Variants in ADAM23 observed in about 807,000 individuals in gnomAD.
The protein encoded by ADAM23 is disintegrin and metalloproteinase domain-containing protein 23.
Under a neutral mutation model 120.1 loss-of-function variants are expected in ADAM23, and 33 were observed. The observed-to-expected ratio is 0.27, with a 90% CI of 0.21 to 0.37. ADAM23 has a LOEUF of 0.37. Among genes scored for constraint, ADAM23 ranks in the 10% least tolerant of loss-of-function variants. The probability of loss-of-function intolerance (pLI) is 1.00; values close to 1 mark genes in which losing one functional copy is unlikely to be tolerated. For missense variants in ADAM23, 862 were observed against 1,058.2 expected (o/e 0.81, Z 2.57); for synonymous variants, 367 against 375.2 (o/e 0.98, Z 0.25).
In ADAM23 at chr2:206,605,946, C is replaced by T. The variant is rs1338973823; in HGVS notation, c.2360-3964C>T. The T allele has an allele frequency of 5.0e-6, 3 of 603,314 alleles. No homozygotes were observed. In the African/African-American group the frequency reaches 5.7e-5, roughly 11 times the overall value. 37.4% of individuals were successfully genotyped at this position (603,314 alleles called of 1,614,324 possible). ...CCTGATGTGTGAGGCGATGCCTGTA[C>T]CTGACTCCATGTCTCGTCCTGTTGA... On this transcript the variant is annotated intron_variant, in intron 24 of 25. Coordinates refer to ENST00000264377, the MANE Select transcript of ADAM23 (RefSeq NM_003812.4).
chr2:206,480,793 T>C (rs1460545245), intron 2 of ADAM23, among the ~76,000 whole-genome samples: 1 of 152,190 alleles, frequency 6.6e-6, no homozygotes, highest in Non-Finnish European at 1.5e-5. Context: ...ATACATCATT[T>C]AGAGAACGTT....
intron 18 of ADAM23, among the ~76,000 whole-genome samples, chr2:206,585,451 T>C (rs1015913185): frequency 6.6e-6 from 1 of 152,178 alleles, no homozygotes; most frequent in African/African-American, 2.4e-5. Flanking sequence ...TTTATGAGAG[T>C]CAGTTATTCT....
At chr2:206,458,977 A>G (rs1198767142) in intron 2 of ADAM23, among the ~76,000 whole-genome samples, 1 of 152,254 alleles carries the variant, frequency 6.6e-6, no homozygotes, top group Non-Finnish European at 1.5e-5. Context: ...CACTAGGACA[A>G]TTGAATATGT....
intron 24 of ADAM23, among the ~76,000 whole-genome samples, chr2:206,599,834 A>C (rs1698602242): frequency 6.6e-6 from 1 of 152,202 alleles, no homozygotes; most frequent in African/African-American, 2.4e-5. Flanking sequence ...TAATGGACTC[A>C]AGTTATTAAA....
At chr2:206,516,571 G>C (rs78226281) in intron 3 of ADAM23, among the ~76,000 whole-genome samples, 4,596 of 151,470 alleles carry the variant, frequency 0.03, 247 homozygotes, top group African/African-American at 0.1. Context: ...TCATATGGTA[G>C]AGAGAGAGAG....
chr2:206,474,581 T>G (rs183993321), intron 2 of ADAM23, among the ~76,000 whole-genome samples: 1 of 152,122 alleles, frequency 6.6e-6, no homozygotes, highest in Non-Finnish European at 1.5e-5. Flanking sequence ...TTATTATTAT[T>G]GCTATTTTCT....
chr2:206,603,877 G>A (rs1362358910), intron 24 of ADAM23, among the ~76,000 whole-genome samples: 1 of 151,366 alleles, frequency 6.6e-6, no homozygotes, highest in Non-Finnish European at 1.5e-5. Context: ...GTATTTTTAA[G>A]CATATGTGGC....
chr2:206,542,433 A>G (rs1697310591), intron 5 of ADAM23, among the ~76,000 whole-genome samples: 1 of 152,208 alleles, frequency 6.6e-6, no homozygotes. Flanking sequence ...TCCCAGCGGC[A>G]TATTCCAGAG....
At chr2:206,482,360 A>G (rs1321269048) in intron 3 of ADAM23, among the ~76,000 whole-genome samples, 1 of 152,192 alleles carries the variant, frequency 6.6e-6, no homozygotes, top group Non-Finnish European at 1.5e-5. Flanking sequence ...TGCCTAAGGG[A>G]CTTGTCTTGC....
intron 2 of ADAM23, among the ~76,000 whole-genome samples, chr2:206,456,190 A>T (rs894282332): frequency 6.6e-6 from 1 of 152,152 alleles, no homozygotes; most frequent in East Asian, 1.9e-4. Flanking sequence ...GAAACTTATC[A>T]TGGCAGAAGG....
At chr2:206,451,493 G>A (rs1695193403) in intron 2 of ADAM23, among the ~76,000 whole-genome samples, 1 of 152,194 alleles carries the variant, frequency 6.6e-6, no homozygotes, top group African/African-American at 2.4e-5. Flanking sequence ...GCCCACTTTG[G>A]CCTCCCAAAG....
rs1574570837 is a variant in ADAM23, at chr2:206,618,821, A to G, written c.*1194A>G. On this transcript the variant is annotated 3_prime_UTR_variant, in exon 26 of 26. Coordinates refer to ENST00000264377, the MANE Select transcript of ADAM23 (RefSeq NM_003812.4). ...TTGATGTCATTATAAACCTATGTAAATAATGTAAGAAAGTAGACACCCTTT... is the reference window on the plus strand; with the variant it reads ...TTGATGTCATTATAAACCTATGTAAGTAATGTAAGAAAGTAGACACCCTTT... 6.6e-6 allele frequency: 1 copy of G among 152,248 alleles called. No individual in the cohort carries two copies. Among genetic ancestry groups the G allele is most frequent in the African/African-American group, 2.4e-5 (1 of 41,466 alleles). 9.4% of individuals were successfully genotyped at this position (152,248 alleles called of 1,614,324 possible). A position where few individuals can be genotyped will look rare whatever the true frequency, so the allele number is the denominator to read the frequency against.
chr2:206,490,127 C>T (rs553153706), intron 3 of ADAM23, among the ~76,000 whole-genome samples: 1 of 152,258 alleles, frequency 6.6e-6, no homozygotes, highest in East Asian at 1.9e-4. Context: ...AAAGTTTGGA[C>T]ACAGACACTA....
chr2:206,566,180 T>TAA (rs1028638751), intron 14 of ADAM23, among the ~76,000 whole-genome samples: 1 of 148,722 alleles, frequency 6.7e-6, no homozygotes, highest in Non-Finnish European at 1.5e-5. Flanking sequence ...ATAATATATA[T>TAA]AACATATAAT....
chr2:206,610,095 G>GA, intron 25 of ADAM23, 95 bp downstream of exon 25: 1 of 1,126,082 alleles, frequency 8.9e-7, no homozygotes, highest in East Asian at 3.1e-5. Context: ...AAGAGCTTAG[G>GA]TTCTGTCAGT....
At position 206,620,055 on chromosome 2, in the gene ADAM23, C is replaced by G. The variant is rs772965696; in HGVS notation, c.*2428C>G. On this transcript the variant is annotated 3_prime_UTR_variant, in exon 26 of 26. Transcript: ENST00000264377. ...TTTCCTTGTTGCTGGGTCCTACTCTCTAGTAGATACTAAACTGCTGTGAAG... is the reference window on the plus strand; with the variant it reads ...TTTCCTTGTTGCTGGGTCCTACTCTGTAGTAGATACTAAACTGCTGTGAAG... 2 of 152,182 alleles carry G rather than the reference C, an allele frequency of 1.3e-5. No individual in the cohort carries two copies. Among genetic ancestry groups the G allele is most frequent in the Non-Finnish European group, 2.9e-5 (2 of 68,026 alleles). 9.4% of individuals were successfully genotyped at this position (152,182 alleles called of 1,614,324 possible).
At chr2:206,572,160 T>C (rs1184390986) in intron 17 of ADAM23, among the ~76,000 whole-genome samples, 4 of 152,192 alleles carry the variant, frequency 2.6e-5, no homozygotes, top group African/African-American at 4.8e-5. Flanking sequence ...GACCTACTTA[T>C]AACATTTTTC....
chr2:206,447,984 T>A (rs1335782110), intron 2 of ADAM23, among the ~76,000 whole-genome samples: 2 of 152,250 alleles, frequency 1.3e-5, no homozygotes, highest in East Asian at 3.8e-4. Flanking sequence ...AAAGTTAACA[T>A]GTTTATTAAC....
In ADAM23 at chr2:206,620,838, T is replaced by TA. The variant is rs2105873755; in HGVS notation, c.*3212dup. 6.6e-6 allele frequency: 1 copy of TA among 152,336 alleles called. No individual in the cohort carries two copies. Among genetic ancestry groups the TA allele is most frequent in the African/African-American group, 2.4e-5 (1 of 41,582 alleles). The allele number at this position is 152,336 out of a possible 1,614,324, so 9.4% of individuals were successfully genotyped here. ...GGTGTGTGTGGTTTTTGTTTTTTAC[T>TA]ATGCAAAGATGGGAAATGCACAAAC... On this transcript the variant is annotated 3_prime_UTR_variant, in exon 26 of 26. Coordinates refer to ENST00000264377, the MANE Select transcript of ADAM23 (RefSeq NM_003812.4).
Sources: allele counts gnomAD v4.1 joint callset (sites outside exome capture counted in the v4.1 genomes callset), GRCh38; gene constraint gnomAD v4.1.1; transcripts MANE v1.5; gene names NCBI Gene and HGNC (gene_info 2026-07-23, HGNC 2026-07-21).